Variants in SFMBT2 observed in about 807,000 individuals in gnomAD.
The protein encoded by SFMBT2 is scm-like with four MBT domains protein 2.
Under a neutral mutation model 110.1 loss-of-function variants are expected in SFMBT2, and 38 were observed. That is an observed-to-expected ratio of 0.35 (90% CI 0.27 to 0.45). The LOEUF is 0.45. Among genes scored for constraint, SFMBT2 ranks in the 20% least tolerant of loss-of-function variants. SFMBT2 has a pLI of 1.00. For missense variants in SFMBT2, 1,011 were observed against 1,094.9 expected, an observed-to-expected ratio of 0.92 and a Z score of 1.08; for synonymous variants, 425 against 425.4, an observed-to-expected ratio of 1.00 and a Z score of 0.01.
chr10:7,378,537 T>TGGG lies in SFMBT2; in HGVS notation c.100+3259_100+3261dup, dbSNP rs146576653. ...GGGTGGATAGATGGGTATGAGTGTG[T>TGGG]GGGGGGGTGTATGTATAGATGGGTG... On this transcript the variant is annotated intron_variant, in intron 2 of 20. Transcript: ENST00000397167. Among the ~76,000 whole-genome samples the TGGG allele has an allele frequency of 4.8e-4, 11 of 22,788 alleles. 3 individuals are homozygous for TGGG. In the East Asian group the frequency reaches 8.2e-3, roughly 17 times the overall value. The allele number at this position is 22,788 out of a possible 152,430, so 14.9% of individuals were successfully genotyped here. A position where few individuals can be genotyped will look rare whatever the true frequency, so the allele number is the denominator to read the frequency against.
At position 7,385,868 on chromosome 10, in the gene SFMBT2, T is replaced by C. The variant is rs181428227; in HGVS notation, c.-51-3919A>G. 5.4e-3 allele frequency among the ~76,000 whole-genome samples: 824 copies of C among 152,086 alleles called. 6 individuals carry two copies. The highest frequency in any genetic ancestry group is 0.017 in the African/African-American group (708 of 41,490). ...CAAAAAAATTAGCCAGGCGTGGTGG[T>C]GGGCACCTGTAGTCCCAGCTACTCA... is the stretch of plus-strand genomic sequence containing the variant. On this transcript the variant is annotated intron_variant, in intron 1 of 20. Coordinates refer to ENST00000397167, the MANE Select transcript of SFMBT2 (RefSeq NM_001387889.1).
chr10:7,279,093 C>T (rs1332907549), intron 6 of SFMBT2, among the ~76,000 whole-genome samples: 3 of 140,054 alleles, frequency 2.1e-5, no homozygotes, highest in Non-Finnish European at 4.7e-5. Flanking sequence ...AAAAAAAAAA[C>T]CAAACAAACA....
chr10:7,280,637 T>G (rs1370916802), intron 6 of SFMBT2, among the ~76,000 whole-genome samples: 1 of 152,144 alleles, frequency 6.6e-6, no homozygotes, highest in African/African-American at 2.4e-5. Context: ...TGATCACAGA[T>G]TAAATGTCTA....
At chr10:7,371,920 ATT>A (rs762872004) in intron 2 of SFMBT2, among the ~76,000 whole-genome samples, 1 of 77,736 alleles carries the variant, frequency 1.3e-5, no homozygotes. Flanking sequence ...TCCACCTGTA[ATT>A]TTTTTTTTTT....
At position 7,206,470 on chromosome 10, in the gene SFMBT2, C is replaced by T. The variant is rs898741829; in HGVS notation, c.1331-542G>A. On this transcript the variant is annotated intron_variant, in intron 11 of 20. Transcript: ENST00000397167. The stretch of plus-strand genomic sequence containing the variant: ...AAAAACAAGGTTTATGAGCAGTGTA[C>T]GTGGACAAGGCCCTTCTCTAGGAAA... 34 of 985,378 alleles carry T rather than the reference C, an allele frequency of 3.5e-5. No homozygotes were observed. In the East Asian group the frequency reaches 2.3e-3, roughly 66 times the overall value. 61.0% of individuals were successfully genotyped at this position (985,378 alleles called of 1,614,324 possible).
chr10:7,246,521 C>T (rs1450554749), intron 8 of SFMBT2, among the ~76,000 whole-genome samples: 1 of 151,856 alleles, frequency 6.6e-6, no homozygotes, highest in Admixed American at 6.6e-5. Context: ...GAGTTCGAGA[C>T]CAGCCTGGTC....
intron 14 of SFMBT2, 51 bp from the exon 15 acceptor site, chr10:7,197,738 T>G: frequency 6.3e-7 from 1 of 1,597,076 alleles, no homozygotes; most frequent in Non-Finnish European, 8.5e-7. Flanking sequence ...CCCCAGACCC[T>G]AGGGGACCCC....
chr10:7,246,879 T>C (rs901937137), intron 8 of SFMBT2, among the ~76,000 whole-genome samples: 19 of 152,056 alleles, frequency 1.2e-4, no homozygotes, highest in African/African-American at 4.6e-4. Context: ...CAGCACCCAC[T>C]AACAGAACAA....
chr10:7,319,033 C>T (rs558732528), intron 4 of SFMBT2, among the ~76,000 whole-genome samples: 1 of 152,294 alleles, frequency 6.6e-6, no homozygotes, highest in South Asian at 2.1e-4. Context: ...CAGGGCCACA[C>T]GAGGGATCGC....
At chr10:7,191,275 G>C (rs1442172310) in intron 15 of SFMBT2, among the ~76,000 whole-genome samples, 1 of 152,168 alleles carries the variant, frequency 6.6e-6, no homozygotes, top group South Asian at 2.1e-4. Context: ...ATCCAATGGG[G>C]CTTTTCTGTG....
At chr10:7,392,983 TTATATA>T (rs760008467) in intron 1 of SFMBT2, among the ~76,000 whole-genome samples, 2,104 of 59,572 alleles carry the variant, frequency 0.035, 48 homozygotes, top group East Asian at 0.057. Flanking sequence ...TGTGGATAGA[TTATATA>T]TATATATATA....
intron 4 of SFMBT2, among the ~76,000 whole-genome samples, chr10:7,334,616 G>T (rs745856105): frequency 1.3e-5 from 2 of 152,150 alleles, no homozygotes; most frequent in African/African-American, 4.8e-5. Context: ...ACCTGTCACC[G>T]ATACAGACAT....
intron 7 of SFMBT2, among the ~76,000 whole-genome samples, chr10:7,256,811 G>A (rs568310463): frequency 6.8e-4 from 104 of 152,266 alleles, no homozygotes; most frequent in African/African-American, 2.4e-3. Flanking sequence ...TATGATGGAC[G>A]CACAGGAAAG....
At chr10:7,377,029 C>T (rs1845244836) in intron 2 of SFMBT2, among the ~76,000 whole-genome samples, 1 of 151,466 alleles carries the variant, frequency 6.6e-6, no homozygotes, top group South Asian at 2.1e-4. Context: ...ATTAGCTGGG[C>T]ATGGTGGCGG....
chr10:7,188,588 CA>C (rs755888356), intron 16 of SFMBT2, 35 bp downstream of exon 16: 2 of 1,559,346 alleles, frequency 1.3e-6, no homozygotes, highest in East Asian at 2.2e-5. Flanking sequence ...GGAAGTATTA[CA>C]AAAACCCTTG....
intron 11 of SFMBT2, among the ~76,000 whole-genome samples, chr10:7,208,234 C>A (rs1001749421): frequency 6.6e-6 from 1 of 152,094 alleles, no homozygotes; most frequent in African/African-American, 2.4e-5. Flanking sequence ...TAAAGCAGGT[C>A]CCCGGGCAGG....
At chr10:7,266,052 G>A (rs752984575) in intron 7 of SFMBT2, among the ~76,000 whole-genome samples, 17 of 151,874 alleles carry the variant, frequency 1.1e-4, no homozygotes, top group South Asian at 2.1e-4. Context: ...GGGAGAGTGC[G>A]CAGAAGGGGA....
intron 6 of SFMBT2, among the ~76,000 whole-genome samples, chr10:7,283,441 G>C (rs191410530): frequency 1.5e-4 from 23 of 152,174 alleles, no homozygotes; most frequent in African/African-American, 5.1e-4. Flanking sequence ...ATAGATGAAT[G>C]CTGGATGGAT....
At chr10:7,290,562 A>G (rs570971739) in intron 4 of SFMBT2, among the ~76,000 whole-genome samples, 16 of 152,302 alleles carry the variant, frequency 1.1e-4, no homozygotes, top group African/African-American at 3.8e-4. Flanking sequence ...CGAGCTGGAC[A>G]TGGTGGCTCA....
Sources: allele counts gnomAD v4.1 joint callset (sites outside exome capture counted in the v4.1 genomes callset), GRCh38; gene constraint gnomAD v4.1.1; transcripts MANE v1.5; gene names NCBI Gene and HGNC (gene_info 2026-07-23, HGNC 2026-07-21).